The following ARID4B variants were observed in gnomAD, a reference collection of about 807,000 sequenced individuals.
The protein encoded by ARID4B is AT-rich interaction domain 4B, also known as AT-rich interactive domain-containing protein 4B.
ARID4B carries 26 observed loss-of-function variants against 147.5 expected under a neutral mutation model. The observed-to-expected ratio is 0.18, with a 90% CI of 0.13 to 0.24. The LOEUF (loss-of-function observed/expected upper bound fraction) is 0.24. ARID4B is among the 10% of genes least tolerant of loss of function. The probability of loss-of-function intolerance (pLI) is 1.00; values close to 1 mark genes in which losing one functional copy is unlikely to be tolerated. For synonymous variants in ARID4B, 512 were observed against 507.9 expected (o/e 1.01, Z -0.11); for missense variants, 1,179 against 1,511.5 (o/e 0.78, Z 3.65).
intron 2 of ARID4B, among the ~76,000 whole-genome samples, chr1:235,316,634 C>T (rs1222887506): frequency 6.6e-6 from 1 of 152,124 alleles, no homozygotes; most frequent in Non-Finnish European, 1.5e-5. Flanking sequence ...GCCTGGCCAA[C>T]ATGGCGAAAC....
chr1:235,291,103 A>G (rs1423474528), intron 2 of ARID4B, among the ~76,000 whole-genome samples: 1 of 152,174 alleles, frequency 6.6e-6, no homozygotes, highest in East Asian at 1.9e-4. Flanking sequence ...TTGTTTCTAA[A>G]AGAAGAAAAT....
At chr1:235,220,062 T>C (rs1223296611) in intron 15 of ARID4B, 94 bp from the exon 16 acceptor site, 3 of 868,626 alleles carry the variant, frequency 3.5e-6, no homozygotes, top group Non-Finnish European at 4.8e-6. Context: ...TATCAACCAA[T>C]TCTAATATTA....
At chr1:235,300,231 C>T (rs1245936146) in intron 2 of ARID4B, among the ~76,000 whole-genome samples, 8 of 152,082 alleles carry the variant, frequency 5.3e-5, no homozygotes, top group Admixed American at 2.0e-4. Context: ...CCCTGGCCAA[C>T]ATGGCAAAAC....
At chr1:235,223,060 C>T (rs897588330) in intron 13 of ARID4B, 106 bp downstream of exon 13, 1 of 712,754 alleles carries the variant, frequency 1.4e-6, no homozygotes, top group African/African-American at 1.9e-5. Context: ...TAGGTTTTTA[C>T]TGAAAAACTT....
chr1:235,175,319 TTCCAGTGGAA>T lies in ARID4B; in HGVS notation c.3519_3528del (p.Ser1174Ter), dbSNP rs769948123. 1 of 1,614,172 alleles carries T rather than the reference TTCCAGTGGAA, an allele frequency of 6.2e-7. No individual in the cohort carries two copies. The highest frequency in any genetic ancestry group is 8.5e-7 in the Non-Finnish European group (1 of 1,180,014). ...GGAGATTTGGTACTATGAGACTTCA[TTCCAGTGGAA>T]ACTGATTTGACTGGCTGACTCTTAG... On this transcript the variant is annotated frameshift_variant, in exon 22 of 24. Transcript: ENST00000264183. LOFTEE classifies it high-confidence loss of function.
At chr1:235,288,077 C>T (rs911268937) in intron 2 of ARID4B, among the ~76,000 whole-genome samples, 1 of 152,154 alleles carries the variant, frequency 6.6e-6, no homozygotes, top group South Asian at 2.1e-4. Context: ...GAGGCCAAGG[C>T]GGGTGGATCA....
intron 2 of ARID4B, among the ~76,000 whole-genome samples, chr1:235,275,329 G>A (rs1345586960): frequency 2.6e-5 from 4 of 152,220 alleles, no homozygotes; most frequent in Non-Finnish European, 5.9e-5. Flanking sequence ...TTAAAGCTAG[G>A]TTAACCAATT....
At chr1:235,271,295 C>T (rs12048686) in intron 2 of ARID4B, among the ~76,000 whole-genome samples, 43,809 of 152,006 alleles carry the variant, frequency 0.29, 7,541 homozygotes, top group South Asian at 0.53. Flanking sequence ...GTTGTGGCCG[C>T]AGTGACTATA....
intron 17 of ARID4B, among the ~76,000 whole-genome samples, chr1:235,204,401 ACAT>A (rs1218094083): frequency 6.6e-6 from 1 of 152,216 alleles, no homozygotes; most frequent in Non-Finnish European, 1.5e-5. Context: ...ACTTAAATCT[ACAT>A]CAGAGAGACA....
At chr1:235,170,171 CA>C (rs1663238956) in intron 23 of ARID4B, among the ~76,000 whole-genome samples, 1 of 152,104 alleles carries the variant, frequency 6.6e-6, no homozygotes, top group Non-Finnish European at 1.5e-5. Context: ...AAAACTACCC[CA>C]GGGGCAAATC....
intron 2 of ARID4B, among the ~76,000 whole-genome samples, chr1:235,299,139 C>T (rs1672955555): frequency 6.6e-6 from 1 of 152,184 alleles, no homozygotes. Flanking sequence ...CTAGAGCCAC[C>T]TTAAAGTGTG....
chr1:235,316,618 A>G (rs1237218639), intron 2 of ARID4B, among the ~76,000 whole-genome samples: 2 of 152,098 alleles, frequency 1.3e-5, no homozygotes, highest in Non-Finnish European at 2.9e-5. Flanking sequence ...GGAGTTCGAG[A>G]GACCAGCCTG....
At chr1:235,252,696 T>C (rs770158697) in intron 6 of ARID4B, 34 bp downstream of exon 6, 27 of 1,581,130 alleles carry the variant, frequency 1.7e-5, no homozygotes, top group South Asian at 2.3e-5. Flanking sequence ...ATAAAAAATA[T>C]TAAGACATGT....
At chr1:235,326,692 T>A (rs1483539557) in intron 2 of ARID4B, 2 of 572,178 alleles carry the variant, frequency 3.5e-6, no homozygotes, top group Non-Finnish European at 6.4e-6. Flanking sequence ...AGATGTTCAA[T>A]ATGGGAGAAT....
chr1:235,299,863 A>G (rs1171704021), intron 2 of ARID4B, among the ~76,000 whole-genome samples: 1 of 152,178 alleles, frequency 6.6e-6, no homozygotes, highest in African/African-American at 2.4e-5. Flanking sequence ...CCAATTTTTA[A>G]ACGTATGATG....
Position 235,326,928 on chromosome 1 carries a change from T to C in ARID4B, c.-9A>G, listed in dbSNP as rs1572255099. On this transcript the variant is annotated 5_prime_UTR_variant, in exon 2 of 24. Transcript: ENST00000264183. The stretch of plus-strand genomic sequence containing the variant: ...GGCAATCTTACCTTCATGATGACTC[T>C]GGGACCAAGGTATCCTCTAAAACAC... The C allele has an allele frequency of 1.2e-6, 2 of 1,614,014 alleles. No individual in the cohort carries two copies. Among genetic ancestry groups the C allele is most frequent in the Non-Finnish European group, 1.7e-6 (2 of 1,179,884 alleles).
intron 2 of ARID4B, among the ~76,000 whole-genome samples, chr1:235,324,336 G>T (rs1460192729): frequency 6.6e-6 from 1 of 152,054 alleles, no homozygotes; most frequent in Non-Finnish European, 1.5e-5. Context: ...AACATACTGT[G>T]AAAAAAGTAA....
intron 8 of ARID4B, among the ~76,000 whole-genome samples, chr1:235,238,990 T>C (rs920920123): frequency 3.3e-5 from 5 of 151,414 alleles, no homozygotes; most frequent in Admixed American, 3.3e-4. Context: ...TTTCTTCTTT[T>C]TTTTTTTTTT....
chr1:235,287,132 G>T (rs766106443), intron 2 of ARID4B, among the ~76,000 whole-genome samples: 3 of 152,140 alleles, frequency 2.0e-5, no homozygotes, highest in Non-Finnish European at 4.4e-5. Flanking sequence ...GGTGGCAGGT[G>T]CCTGTAGTCC....
Sources: gnomAD v4.1 joint callset for allele counts (sites outside exome capture counted in the v4.1 genomes callset) on GRCh38, gnomAD v4.1.1 for gene constraint, MANE v1.5 for transcripts, NCBI Gene and HGNC (gene_info 2026-07-23, HGNC 2026-07-21) for gene names.